The following PAXIP1 variants were observed in gnomAD, a reference collection of about 807,000 sequenced individuals.
PAXIP1 encodes the protein PAX-interacting protein 1.
A neutral mutation model predicts 140.6 loss-of-function variants in PAXIP1; 19 were observed. That is an observed-to-expected ratio of 0.14 (90% confidence interval 0.09 to 0.20). PAXIP1 has a LOEUF of 0.20. PAXIP1 is among the 10% of genes least tolerant of loss of function. The pLI, the probability that PAXIP1 is intolerant of heterozygous loss-of-function variation, is 1.00. For synonymous variants in PAXIP1, 442 were observed against 444.6 expected, an observed-to-expected ratio of 0.99 and a Z score of 0.07; for missense variants, 920 against 1,208.6, an observed-to-expected ratio of 0.76 and a Z score of 3.54.
At position 155,002,963 on chromosome 7, in the gene PAXIP1, C is replaced by A. The variant is rs1004595785; in HGVS notation, c.-34G>T. The A allele has an allele frequency of 6.0e-6, 6 of 1,008,356 alleles. No homozygotes were observed. The Admixed American group carries it at 1.3e-4, about 22-fold the overall frequency. 62.5% of individuals were successfully genotyped at this position (1,008,356 alleles called of 1,614,324 possible). A position where few individuals can be genotyped will look rare whatever the true frequency, so the allele number is the denominator to read the frequency against. On this transcript the variant is annotated 5_prime_UTR_variant, in exon 1 of 21. Transcript: ENST00000404141. ...CGGCCCGGGAGGCTCCGCGGCGGCG[C>A]CCGGCCCCGCCCACCCCCCGCCCCC... is the stretch of plus-strand genomic sequence containing the variant.
chr7:154,968,725 C>T lies in PAXIP1; in HGVS notation c.1476G>A (p.Gln492=), dbSNP rs370184798. 1.8e-5 allele frequency: 13 copies of T among 718,160 alleles called. No individual in the cohort carries two copies. In the African/African-American group the frequency reaches 2.3e-4, roughly 13 times the overall value. The allele number at this position is 718,160 out of a possible 1,614,324, so 44.5% of individuals were successfully genotyped here. A position where few individuals can be genotyped will look rare whatever the true frequency, so the allele number is the denominator to read the frequency against. The change falls in exon 7 of 21, where the codon CAG becomes CAA. Residue 492 remains glutamine, a synonymous_variant. Transcript: ENST00000404141. ...HRPQQQLQPF[Q]QQHALQQQFH... is the part of the protein sequence containing the mutation. ...ACTGCTGCTGCAGGGCATGCTGCTG[C>T]TGAAAGGGCTGGAGCTGCTGCTGAG...
At position 154,986,228 on chromosome 7, in the gene PAXIP1, CT is replaced by C; in HGVS notation, c.325-2897del. On this transcript the variant is annotated intron_variant, in intron 4 of 20. Coordinates refer to ENST00000404141, the MANE Select transcript of PAXIP1 (RefSeq NM_007349.4). The surrounding 1 kb of genome is among the most constrained non-coding windows in gnomAD (Gnocchi z 4.8). ...CACTGAGAACCACCAAGAAACAGTC[CT>C]TTTGTAAAGCTGGGGTCCTGCCTGG... The C allele has an allele frequency of 7.7e-7, 1 of 1,302,792 alleles. No homozygotes were observed. Among genetic ancestry groups the C allele is most frequent in the South Asian group, 1.2e-5 (1 of 80,520 alleles). 80.7% of individuals were successfully genotyped at this position (1,302,792 alleles called of 1,614,324 possible). A position where few individuals can be genotyped will look rare whatever the true frequency, so the allele number is the denominator to read the frequency against.
chr7:154,945,017 C>T (rs981210875), intron 20 of PAXIP1: 3 of 142,590 alleles, frequency 2.1e-5, no homozygotes, highest in Admixed American at 7.2e-5. Context: ...GACAGAGTTT[C>T]GCTCTTGTTG....
At chr7:154,962,620 A>G (rs1353466592) in intron 9 of PAXIP1, 162 bp from the exon 10 acceptor site, 1 of 566,008 alleles carries the variant, frequency 1.8e-6, no homozygotes, top group African/African-American at 1.9e-5. Context: ...AAAACCGTGT[A>G]GCTGGTTACT....
rs927871438 is a variant in PAXIP1, at chr7:154,986,490, C to T, written c.325-3158G>A. Reference sequence around the variant, plus strand: ...GAAATCGCATCTTAATTAATTTGTACCCCTCTGCATTGCTCCTGTCACAAA... The same window carrying T: ...GAAATCGCATCTTAATTAATTTGTATCCCTCTGCATTGCTCCTGTCACAAA... On this transcript the variant is annotated intron_variant, in intron 4 of 20. Transcript: ENST00000404141. This position sits in a 1 kb window ranked among gnomAD's most constrained non-coding sequence, Gnocchi z 4.8. Among the ~76,000 whole-genome samples the T allele has an allele frequency of 6.6e-6, 1 of 152,142 alleles. No individual in the cohort carries two copies. The highest frequency in any genetic ancestry group is 2.4e-5 in the African/African-American group (1 of 41,414).
intron 6 of PAXIP1, among the ~76,000 whole-genome samples, chr7:154,969,671 C>G (rs1048617157): frequency 6.6e-6 from 1 of 152,224 alleles, no homozygotes; most frequent in Non-Finnish European, 1.5e-5. Context: ...GTCTAGTAAA[C>G]AAAGGTTCTC....
rs769887867 is a variant in PAXIP1, at chr7:154,962,369, A to C, written c.2079T>G (p.Leu693=). Residue 693 remains leucine (L), a synonymous_variant, in exon 10 of 21, where the codon CTT becomes CTG. Transcript: ENST00000404141. ...CTGGTGGGAAGGCCACTGGGAAGTGAAGGGCTCGGTGCGGCGGTACCATTT... is the reference window on the plus strand; with the variant it reads ...CTGGTGGGAAGGCCACTGGGAAGTGCAGGGCTCGGTGCGGCGGTACCATTT... ...KKKMVPPHRA[L]HFPVAFPPGG... 7 of 1,607,762 alleles carry C rather than the reference A, an allele frequency of 4.4e-6. No individual in the cohort carries two copies. Among genetic ancestry groups the C allele is most frequent in the Admixed American group, 3.4e-5 (2 of 59,650 alleles).
At position 154,997,154 on chromosome 7, in the gene PAXIP1, G is replaced by A. The variant is rs945199793; in HGVS notation, c.216+1496C>T. Among the ~76,000 whole-genome samples, 94 of 152,264 alleles carry A rather than the reference G, an allele frequency of 6.2e-4. 2 individuals carry two copies. The highest frequency in any genetic ancestry group is 2.1e-3 in the African/African-American group (89 of 41,552). On this transcript the variant is annotated intron_variant, in intron 2 of 20. Transcript: ENST00000404141. ...TCATCCAAGGCAGTTTCCGACCCTGGGTACCAGGGAGGTCACCACTTCCCA... is the reference window on the plus strand; with the variant it reads ...TCATCCAAGGCAGTTTCCGACCCTGAGTACCAGGGAGGTCACCACTTCCCA...
Position 154,976,235 on chromosome 7 carries a change from C to A in PAXIP1, c.535G>T (p.Ala179Ser). The change falls in exon 6 of 21, where the codon GCA becomes TCA. Residue 179 changes from alanine (A) to serine (S), a missense_variant. Transcript: ENST00000404141. The part of the protein sequence containing the change: ...CVSEKTKKDE[A>S]FYHPRLIIYE... ...ATAATCAGACGAGGATGATAAAATG[C>A]TTCGTCCTTTTTGGTTTTCTCTGAT... is the stretch of plus-strand genomic sequence containing the variant. 6.2e-7 allele frequency: 1 copy of A among 1,613,982 alleles called. No homozygotes were observed. The highest frequency in any genetic ancestry group is 8.5e-7 in the Non-Finnish European group (1 of 1,179,884).
In PAXIP1 at chr7:155,000,138, T is replaced by A. The variant is rs115696459; in HGVS notation, c.82-1354A>T. On this transcript the variant is annotated intron_variant, in intron 1 of 20. Transcript: ENST00000404141. ...GCAGAGAGCTTTCTTCTTTCACTTA[T>A]TAAACTTTTGCTCCAACCTCAAAAA... 554 of 152,300 alleles carry A rather than the reference T, an allele frequency of 3.6e-3. 1 individual carries two copies. Among genetic ancestry groups the A allele is most frequent in the African/African-American group, 0.013 (525 of 41,524 alleles). The allele number at this position is 152,300 out of a possible 1,614,324, so 9.4% of individuals were successfully genotyped here.
intron 16 of PAXIP1, chr7:154,949,650 AGCACTTTGGGAGGCCGAGGTG>A (rs561612553): frequency 6.6e-6 from 1 of 152,340 alleles, no homozygotes; most frequent in African/African-American, 2.4e-5. Context: ...CTATAATCCC[AGCACTTTGGGAGGCCGAGGTG>A]GGCGGATCTC....
chr7:154,970,407 T>C (rs1298005131), intron 6 of PAXIP1, among the ~76,000 whole-genome samples: 1 of 152,224 alleles, frequency 6.6e-6, no homozygotes. Flanking sequence ...TAAGGGAGTT[T>C]AGAATTGAAA....
chr7:154,987,632 T>C (rs1810135891), intron 4 of PAXIP1, among the ~76,000 whole-genome samples: 2 of 152,170 alleles, frequency 1.3e-5, no homozygotes, highest in South Asian at 4.1e-4. Flanking sequence ...AGTGTCACCA[T>C]CTCCCCTCGC....
At position 154,963,468 on chromosome 7, in the gene PAXIP1, C is replaced by A. The variant is rs1563368870; in HGVS notation, c.1989+203G>T. On this transcript the variant is annotated intron_variant, in intron 9 of 20. Coordinates refer to ENST00000404141, the MANE Select transcript of PAXIP1 (RefSeq NM_007349.4). The surrounding 1 kb of genome is among the most constrained non-coding windows in gnomAD (Gnocchi z 4.1). ...TTCTTAACACCACCTGGGAACATCC[C>A]TTTCTTTCTCCATTGCTCAAAGACA... Among the ~76,000 whole-genome samples, 1 of 152,160 alleles carries A rather than the reference C, an allele frequency of 6.6e-6. No homozygotes were observed. The highest frequency in any genetic ancestry group is 1.5e-5 in the Non-Finnish European group (1 of 68,028).
At chr7:154,977,698 C>T (rs1809648142) in intron 5 of PAXIP1, among the ~76,000 whole-genome samples, 1 of 152,066 alleles carries the variant, frequency 6.6e-6, no homozygotes, top group Admixed American at 6.5e-5. Flanking sequence ...TAGAAAGGAC[C>T]ACGATTAACA....
intron 11 of PAXIP1, 63 bp downstream of exon 11, chr7:154,961,464 T>C: frequency 7.4e-7 from 1 of 1,345,102 alleles, no homozygotes; most frequent in Non-Finnish European, 1.0e-6. Flanking sequence ...GGCACAATTA[T>C]TGAAATAGCC....
In PAXIP1 at chr7:155,003,070, G is replaced by A. The variant is rs978188940; in HGVS notation, c.-141C>T. On this transcript the variant is annotated 5_prime_UTR_variant, in exon 1 of 21. Transcript: ENST00000404141. ...CCCGGGCCCGGTCCTGCGAATCGGG[G>A]TCCGCTCCCCCGCCCTCCGCGCCCC... is the stretch of plus-strand genomic sequence containing the variant. 6.2e-5 allele frequency: 13 copies of A among 210,916 alleles called. No individual in the cohort carries two copies. Among genetic ancestry groups the A allele is most frequent in the East Asian group, 1.9e-4 (1 of 5,280 alleles). 13.1% of individuals were successfully genotyped at this position (210,916 alleles called of 1,614,324 possible). A position where few individuals can be genotyped will look rare whatever the true frequency, so the allele number is the denominator to read the frequency against.
Position 154,975,756 on chromosome 7 carries a change from CA to C in PAXIP1, c.1013del (p.Leu338ArgfsTer13). 6.2e-7 allele frequency: 1 copy of C among 1,613,898 alleles called. No individual in the cohort carries two copies. The highest frequency in any genetic ancestry group is 8.5e-7 in the Non-Finnish European group (1 of 1,179,810). On this transcript the variant is annotated frameshift_variant, in exon 6 of 21. Coordinates refer to ENST00000404141, the MANE Select transcript of PAXIP1 (RefSeq NM_007349.4). LOFTEE classifies it high-confidence loss of function. ...TGTCAGCATTATTAGTAATATTCCT[CA>C]GTGTCCGTACAGCTGGACTCCAGGT... is the stretch of plus-strand genomic sequence containing the variant. ...IATWSPAVRT[L>X]RNITNNADIQ...
intron 9 of PAXIP1, among the ~76,000 whole-genome samples, chr7:154,962,911 G>C (rs1286563779): frequency 6.6e-6 from 1 of 152,160 alleles, no homozygotes; most frequent in East Asian, 1.9e-4. Flanking sequence ...CTCTTTAAGA[G>C]GGGTGTCTTG....
Sources: allele counts gnomAD v4.1 joint callset (sites outside exome capture counted in the v4.1 genomes callset), GRCh38; gene constraint gnomAD v4.1.1; non-coding constraint Gnocchi (gnomAD v3.1); transcripts MANE v1.5; gene names NCBI Gene and HGNC (gene_info 2026-07-23, HGNC 2026-07-21).